Variants in NCOR2 observed in about 807,000 individuals in gnomAD.
NCOR2 encodes the protein nuclear receptor corepressor 2.
A neutral mutation model predicts 262.9 loss-of-function variants in NCOR2; 81 were observed. The ratio of observed to expected loss-of-function variants is 0.31; its 90% CI spans 0.26 to 0.37. NCOR2 has a LOEUF of 0.37. NCOR2 is among the 10% of genes least tolerant of loss of function. The pLI is 1.00. For missense variants in NCOR2, 3,385 were observed against 3,621.4 expected (o/e 0.93, Z 1.68); for synonymous variants, 1,659 against 1,559.3 (o/e 1.06, Z -1.51).
At chr12:124,350,886 G>C in intron 27 of NCOR2, 149 bp from the exon 30 acceptor site, 1 of 843,778 alleles carries the variant, frequency 1.2e-6, no homozygotes, top group Middle Eastern at 3.6e-4. Context: ...GTAAGAGTTT[G>C]CATGGAACAA....
intron 22 of NCOR2, among the ~76,000 whole-genome samples, chr12:124,361,549 C>A (rs1323496042): frequency 6.6e-6 from 1 of 152,234 alleles, no homozygotes; most frequent in Non-Finnish European, 1.5e-5. Context: ...TGTGACACAG[C>A]GGCTCGGGAG....
chr12:124,511,543 G>T (rs1281795319), intron 1 of NCOR2, among the ~76,000 whole-genome samples: 1 of 152,244 alleles, frequency 6.6e-6, no homozygotes, highest in African/African-American at 2.4e-5. Flanking sequence ...CAAAGCCGGG[G>T]TAGAATCCGA....
At position 124,326,220 on chromosome 12, in the gene NCOR2, C is replaced by T. The variant is rs751919228; in HGVS notation, c.7334G>A (p.Arg2445His). The T allele has an allele frequency of 4.5e-5, 69 of 1,538,894 alleles. 1 individual carries two copies. In the South Asian group the frequency reaches 5.1e-4, roughly 11 times the overall value. The stretch of plus-strand genomic sequence containing the variant: ...GGACGAGGGCCTGTCCTCCCACACG[C>T]GGTTGGTGAGCGGCGTCCGGCGGTT... Residue 2445 changes from arginine to histidine, a missense_variant, in exon 46 of 47, where the codon CGC becomes CAC. By Grantham distance (29) the Arg-to-His change is conservative. Transcript: ENST00000405201.
At chr12:124,511,789 G>A (rs1164405177) in intron 1 of NCOR2, among the ~76,000 whole-genome samples, 2 of 152,172 alleles carry the variant, frequency 1.3e-5, no homozygotes, top group Non-Finnish European at 2.9e-5. Flanking sequence ...GCTTGGAGTG[G>A]GGAACAGTAC....
chr12:124,359,242 G>C (rs1566393219), intron 22 of NCOR2, among the ~76,000 whole-genome samples: 1 of 152,228 alleles, frequency 6.6e-6, no homozygotes, highest in Non-Finnish European at 1.5e-5. Context: ...ACACAACTTG[G>C]GAATGACGGA....
intron 32 of NCOR2, 86 bp from the exon 35 acceptor site, chr12:124,343,312 A>G: frequency 1.8e-6 from 2 of 1,110,048 alleles, no homozygotes; most frequent in South Asian, 2.9e-5. Flanking sequence ...CGGGATCCCA[A>G]GGACCAGGTC....
upstream of NCOR2, among the ~76,000 whole-genome samples, chr12:124,499,858 T>TG (rs374033451): frequency 3.3e-5 from 5 of 151,906 alleles, no homozygotes; most frequent in Admixed American, 6.5e-5. Flanking sequence ...CAGGGAGACC[T>TG]GGGGAGGCTC....
chr12:124,525,304 C>T (rs2137115515), intron 1 of NCOR2, among the ~76,000 whole-genome samples: 1 of 152,326 alleles, frequency 6.6e-6, no homozygotes, highest in Non-Finnish European at 1.5e-5. Flanking sequence ...GCTCAGATGC[C>T]ACCTCCTCAG....
intron 1 of NCOR2, among the ~76,000 whole-genome samples, chr12:124,506,871 G>A (rs189236947): frequency 6.6e-6 from 1 of 152,334 alleles, no homozygotes; most frequent in Non-Finnish European, 1.5e-5. Flanking sequence ...GCAGGAGAGA[G>A]GGAGGCCATG....
intron 16 of NCOR2, among the ~76,000 whole-genome samples, chr12:124,395,907 C>G (rs2041625631): frequency 6.6e-6 from 1 of 152,200 alleles, no homozygotes; most frequent in Non-Finnish European, 1.5e-5. Flanking sequence ...TACACAAATG[C>G]TCACAGCAGC....
At chr12:124,335,277 G>T in exon 40 of NCOR2, 1 of 1,596,576 alleles carries the variant, frequency 6.3e-7, no homozygotes, top group Non-Finnish European at 8.5e-7. Context: ...AAGCTTCACG[G>T]GGCCTGCAGG....
At chr12:124,363,013 A>C (rs1400613353) in intron 21 of NCOR2, among the ~76,000 whole-genome samples, 2 of 152,258 alleles carry the variant, frequency 1.3e-5, no homozygotes. Flanking sequence ...GGTGGACAGG[A>C]GGCTAGAGCC....
In NCOR2 at chr12:124,399,145, C is replaced by T. The variant is rs1437703522; in HGVS notation, c.1814-964G>A. Among the ~76,000 whole-genome samples the T allele has an allele frequency of 3.3e-5, 5 of 152,202 alleles. No individual in the cohort carries two copies. The South Asian group carries it at 8.3e-4, about 25-fold the overall frequency. ...AGAAGAGGGGAGACGGCCCCCACCC[C>T]CATGGGCAGCCCCATCAGCCCCGAC... On this transcript the variant is annotated intron_variant, in intron 15 of 46. Transcript: ENST00000405201.
At chr12:124,510,654 G>A (rs756787436) in intron 1 of NCOR2, among the ~76,000 whole-genome samples, 2 of 152,230 alleles carry the variant, frequency 1.3e-5, no homozygotes, top group Non-Finnish European at 2.9e-5. Flanking sequence ...CATGCCTGCT[G>A]CTTAGGTTAG....
exon 25 of NCOR2, chr12:124,354,896 T>C (rs1243529923): frequency 6.2e-7 from 1 of 1,612,176 alleles, no homozygotes; most frequent in Non-Finnish European, 8.5e-7. Flanking sequence ...CACCGGGGCC[T>C]TGGCATGCTC....
At chr12:124,445,834 G>T (rs1334933964) in intron 7 of NCOR2, among the ~76,000 whole-genome samples, 1 of 152,214 alleles carries the variant, frequency 6.6e-6, no homozygotes, top group Non-Finnish European at 1.5e-5. Flanking sequence ...AATGAGTCTG[G>T]GTCTCTGTAG....
intron 1 of NCOR2, among the ~76,000 whole-genome samples, chr12:124,534,277 C>T (rs1364001936): frequency 1.3e-5 from 2 of 151,946 alleles, no homozygotes; most frequent in Non-Finnish European, 2.9e-5. Context: ...GCCAACATGG[C>T]GAAACCCCAT....
chr12:124,553,250 C>A (rs1007472447), intron 1 of NCOR2, among the ~76,000 whole-genome samples: 3 of 152,278 alleles, frequency 2.0e-5, no homozygotes, highest in East Asian at 3.9e-4. Context: ...ACCTCCAGCC[C>A]GGGCAGATAA....
rs564081772 is a variant in NCOR2 at position 124,452,603 on chromosome 12, G to A, written c.763-2736C>T. ...GTTTTAAAGATAGCAAACAGCCGAAGGGGGCCAGAAAGGGGCTGGAAGCCC... is the reference window on the plus strand; with the variant it reads ...GTTTTAAAGATAGCAAACAGCCGAAAGGGGCCAGAAAGGGGCTGGAAGCCC... On this transcript the variant is annotated intron_variant, in intron 6 of 46. Transcript: ENST00000405201. Among the ~76,000 whole-genome samples, 5 of 152,386 alleles carry A rather than the reference G, an allele frequency of 3.3e-5. No individual in the cohort carries two copies. In the South Asian group the frequency reaches 8.3e-4, roughly 25 times the overall value.
Sources: gnomAD v4.1 joint callset for allele counts (sites outside exome capture counted in the v4.1 genomes callset) on GRCh38, gnomAD v4.1.1 for gene constraint, MANE v1.5 for transcripts, NCBI Gene and HGNC (gene_info 2026-07-23, HGNC 2026-07-21) for gene names.